Variants in FRAS1 observed in about 807,000 individuals in gnomAD.
FRAS1 encodes extracellular matrix organizing protein FRAS1.
In FRAS1, 290 loss-of-function variants were observed where a neutral mutation model predicts 435.2. The observed-to-expected ratio is 0.67, with a 90% CI of 0.61 to 0.73. The LOEUF is 0.73. Ranked by LOEUF, FRAS1 falls within the 30% of genes least tolerant of loss-of-function variation. FRAS1 has a pLI of 0.00. For synonymous variants in FRAS1, 1,800 were observed against 1,851.0 expected (o/e 0.97, Z 0.71); for missense variants, 4,860 against 5,001.5 (o/e 0.97, Z 0.85).
rs1294742116 is a variant in FRAS1, at chr4:78,430,288, G to T, written c.4844-4G>T. ...CTCACCACGCTTCCTTCTCCTTGCTGCAGGACTTCAGGTGGTAGTAAGAGA... is the reference window on the plus strand; with the variant it reads ...CTCACCACGCTTCCTTCTCCTTGCTTCAGGACTTCAGGTGGTAGTAAGAGA... On this transcript the variant is annotated splice_region_variant and splice_polypyrimidine_tract_variant and intron_variant, in intron 36 of 73. Transcript: ENST00000512123. 1.2e-6 allele frequency: 2 copies of T among 1,613,782 alleles called. No homozygotes were observed.
intron 47 of FRAS1, among the ~76,000 whole-genome samples, chr4:78,455,244 A>T (rs1218185417): frequency 6.8e-6 from 1 of 147,726 alleles, no homozygotes; most frequent in Non-Finnish European, 1.5e-5. Context: ...TCTACTAAAA[A>T]TACAAAATTT....
chr4:78,308,573 T>C (rs180967655), intron 15 of FRAS1, among the ~76,000 whole-genome samples: 398 of 152,304 alleles, frequency 2.6e-3, no homozygotes, highest in South Asian at 0.013. Context: ...GCCTTCCAAA[T>C]GTACATGGGG....
intron 14 of FRAS1, among the ~76,000 whole-genome samples, chr4:78,307,112 G>A (rs1560642703): frequency 6.6e-6 from 1 of 152,150 alleles, no homozygotes; most frequent in Non-Finnish European, 1.5e-5. Context: ...AGGTCTGTTG[G>A]AGTACCCGGC....
rs1720933777 is a variant in FRAS1, at chr4:78,508,852, A to C, written c.9626A>C (p.Tyr3209Ser). The change falls in exon 63 of 74, where the codon TAC becomes TCC. Residue 3209 changes from tyrosine (Y) to serine (S), a missense_variant. Tyr to Ser is a moderately radical substitution (Grantham distance 144, BLOSUM62 -2). Coordinates refer to ENST00000512123, the MANE Select transcript of FRAS1 (RefSeq NM_025074.7). ...CCCTGCGACCCTCATTTCCCCAGAT[A>C]CGCTGTCATGAAGGAGCGCTGCAGT... ...VTPCDPHFPR[Y>S]AVMKERCSEA... 1 of 1,613,726 alleles carries C rather than the reference A, an allele frequency of 6.2e-7. No homozygotes were observed. Among genetic ancestry groups the C allele is most frequent in the South Asian group, 1.1e-5 (1 of 91,072 alleles).
At chr4:78,216,706 T>C (rs1723782856) in intron 2 of FRAS1, among the ~76,000 whole-genome samples, 1 of 152,202 alleles carries the variant, frequency 6.6e-6, no homozygotes, top group African/African-American at 2.4e-5. Flanking sequence ...CAGTTGTTTT[T>C]AGTGCCATGA....
chr4:78,404,991 G>C (rs1733045594), intron 30 of FRAS1, among the ~76,000 whole-genome samples: 1 of 152,160 alleles, frequency 6.6e-6, no homozygotes, highest in Admixed American at 6.5e-5. Context: ...TTTGGGGTAG[G>C]AGCTGCATGT....
intron 2 of FRAS1, among the ~76,000 whole-genome samples, chr4:78,104,526 C>T (rs1356292734): frequency 2.0e-5 from 3 of 152,174 alleles, no homozygotes; most frequent in African/African-American, 4.8e-5. Context: ...GGTCTGATCT[C>T]ACTAGCAAGA....
intron 2 of FRAS1, among the ~76,000 whole-genome samples, chr4:78,174,224 A>T (rs1041660623): frequency 1.3e-5 from 2 of 152,336 alleles, no homozygotes; most frequent in Non-Finnish European, 2.9e-5. Flanking sequence ...GTGTTGGCTC[A>T]TGTTCTTGAC....
Position 78,432,273 on chromosome 4 carries a change from A to G in FRAS1, c.4970-84A>G, listed in dbSNP as rs976191951. ...TGAGTTATGATCCTATATGAACCTTAAAGTCCTGAAAACAAAGGTGCTATA... is the reference window on the plus strand; with the variant it reads ...TGAGTTATGATCCTATATGAACCTTGAAGTCCTGAAAACAAAGGTGCTATA... On this transcript the variant is annotated intron_variant, in intron 37 of 73. Transcript: ENST00000512123. 3.6e-6 allele frequency: 5 copies of G among 1,374,404 alleles called. No homozygotes were observed. The African/African-American group carries it at 5.8e-5, about 16-fold the overall frequency. The allele number at this position is 1,374,404 out of a possible 1,614,324, so 85.1% of individuals were successfully genotyped here.
chr4:78,140,741 A>G (rs886474110), intron 2 of FRAS1, among the ~76,000 whole-genome samples: 8 of 147,766 alleles, frequency 5.4e-5, no homozygotes, highest in African/African-American at 2.1e-4. Context: ...GTGTGTGTAT[A>G]TGTATATACG....
intron 2 of FRAS1, among the ~76,000 whole-genome samples, chr4:78,218,098 T>A (rs201744519): frequency 0.02 from 810 of 39,726 alleles, 70 homozygotes; most frequent in African/African-American, 0.029. Flanking sequence ...TCACTCTCTC[T>A]CACACACACA....
chr4:78,253,997 T>TA (rs1553934580), intron 5 of FRAS1, among the ~76,000 whole-genome samples: 5 of 151,236 alleles, frequency 3.3e-5, no homozygotes, highest in East Asian at 2.0e-4. Context: ...CTTTACTTAT[T>TA]TGTCTTTATT....
At chr4:78,289,706 A>G (rs902303102) in intron 14 of FRAS1, among the ~76,000 whole-genome samples, 2 of 152,034 alleles carry the variant, frequency 1.3e-5, no homozygotes, top group Non-Finnish European at 2.9e-5. Flanking sequence ...TTGGCCTTGT[A>G]CTTTGGTTCC....
chr4:78,195,430 C>T (rs1223602803), intron 2 of FRAS1, among the ~76,000 whole-genome samples: 6 of 152,268 alleles, frequency 3.9e-5, no homozygotes, highest in Non-Finnish European at 4.4e-5. Context: ...CCAGTTCGAG[C>T]TTCCTGGCTG....
rs568444482 is a variant in FRAS1 at position 78,105,901 on chromosome 4, C to T, written c.108+39885C>T. Among the ~76,000 whole-genome samples, 48 of 136,254 alleles carry T rather than the reference C, an allele frequency of 3.5e-4. 6 individuals are homozygous for T. Among genetic ancestry groups the T allele is most frequent in the Admixed American group, 1.5e-4 (2 of 13,212 alleles). 89.4% of individuals were successfully genotyped at this position (136,254 alleles called of 152,430 possible). On this transcript the variant is annotated intron_variant, in intron 2 of 73. Coordinates refer to ENST00000512123, the MANE Select transcript of FRAS1 (RefSeq NM_025074.7). ...GGCCAGTGTGTGCGCGCACCGTGCGCGAGCCGAAGCAGGGCAAGGCATTGC... is the reference window on the plus strand; with the variant it reads ...GGCCAGTGTGTGCGCGCACCGTGCGTGAGCCGAAGCAGGGCAAGGCATTGC...
chr4:78,482,447 A>G lies in FRAS1; in HGVS notation c.8664A>G (p.Thr2888=). The G allele has an allele frequency of 2.5e-6, 4 of 1,613,980 alleles. No individual in the cohort carries two copies. The highest frequency in any genetic ancestry group is 3.4e-6 in the Non-Finnish European group (4 of 1,179,854). The change falls in exon 58 of 74, where the codon ACA becomes ACG. Residue 2888 remains threonine, a synonymous_variant. Transcript: ENST00000512123. ...ATCCGGTAATTGAAGGACTGGAGAC[A>G]TTTGTGGTTTTCCTCAGCTCAGCAC... ...TQYPVIEGLE[T]FVVFLSSAQG...
At chr4:78,059,323 AC>A (rs1291381569) in intron 1 of FRAS1, among the ~76,000 whole-genome samples, 1 of 152,102 alleles carries the variant, frequency 6.6e-6, no homozygotes, top group African/African-American at 2.4e-5. Context: ...TTGGGAATCC[AC>A]GCACAAGGGT....
chr4:78,414,750 T>G (rs909056636), intron 32 of FRAS1, among the ~76,000 whole-genome samples: 1 of 152,222 alleles, frequency 6.6e-6, no homozygotes, highest in East Asian at 1.9e-4. Context: ...TCATAAACAC[T>G]TTTGAGCTCC....
chr4:78,378,003 A>G (rs538565829), intron 26 of FRAS1, among the ~76,000 whole-genome samples: 1 of 152,274 alleles, frequency 6.6e-6, no homozygotes, highest in Admixed American at 6.5e-5. Context: ...TTGTGCAACT[A>G]TCACCACTAC....
Sources: gnomAD v4.1 joint callset for allele counts (sites outside exome capture counted in the v4.1 genomes callset) on GRCh38, gnomAD v4.1.1 for gene constraint, MANE v1.5 for transcripts, NCBI Gene and HGNC (gene_info 2026-07-23, HGNC 2026-07-21) for gene names.